DSC1: variants seen among roughly 807,000 people sequenced by gnomAD.
DSC1 encodes the protein desmocollin-1.
A neutral mutation model predicts 98.8 loss-of-function variants in DSC1; 79 were observed. The ratio of observed to expected loss-of-function variants is 0.80; its 90% CI spans 0.67 to 0.96. DSC1 has a LOEUF of 0.96. Among genes scored for constraint, DSC1 ranks in the 50% least tolerant of loss-of-function variants. The pLI, the probability that DSC1 is intolerant of heterozygous loss-of-function variation, is 0.00. For synonymous variants in DSC1, 405 were observed against 372.1 expected (o/e 1.09, Z -1.02); for missense variants, 1,115 against 1,075.9 (o/e 1.04, Z -0.51).
At chr18:31,137,026 C>T (rs1284406113) in intron 11 of DSC1, among the ~76,000 whole-genome samples, 2 of 152,132 alleles carry the variant, frequency 1.3e-5, no homozygotes, top group East Asian at 3.9e-4. Context: ...CTAGAAAGTA[C>T]ATCTTGGGTT....
In DSC1 at chr18:31,140,224, C is replaced by T. The variant is rs747353925; in HGVS notation, c.1338G>A (p.Ala446=). The change falls in exon 10 of 16, where the codon GCG becomes GCA. Residue 446 remains alanine (A), a synonymous_variant. Coordinates refer to ENST00000257198, the MANE Select transcript of DSC1 (RefSeq NM_024421.2). ...TGCACATTGTAGGAGTTTGTGAGCT[C>T]GCTGCTTTAGAGAATTGTGCCTCGT... ...VINEAQFSKA[A]SSQTPTMCTT... is the part of the protein sequence containing the mutation. The T allele has an allele frequency of 1.2e-5, 20 of 1,613,848 alleles. No homozygotes were observed. Among genetic ancestry groups the T allele is most frequent in the South Asian group, 7.7e-5 (7 of 91,072 alleles).
In DSC1 at chr18:31,148,723, G is replaced by A. The variant is rs1222353189; in HGVS notation, c.628-81C>T. 4.6e-6 allele frequency: 6 copies of A among 1,313,338 alleles called. No homozygotes were observed. The East Asian group carries it at 1.3e-4, about 29-fold the overall frequency. 81.4% of individuals were successfully genotyped at this position (1,313,338 alleles called of 1,614,324 possible). On this transcript the variant is annotated intron_variant, in intron 5 of 15. Transcript: ENST00000257198. ...AGTAAGCCTAGCAGTGGGGGAAAAT[G>A]TAACATTAAAAAAAAAAATCATTCC...
At chr18:31,154,580 C>A (rs562953602) in intron 5 of DSC1, among the ~76,000 whole-genome samples, 194 bp downstream of exon 5, 2 of 152,180 alleles carry the variant, frequency 1.3e-5, no homozygotes, top group South Asian at 2.1e-4. Context: ...TTACCTCCCC[C>A]GCCACTTCCC....
intron 2 of DSC1, among the ~76,000 whole-genome samples, chr18:31,159,049 T>TTTTTTTTTTTG (rs1989156448): frequency 1.2e-5 from 1 of 85,710 alleles, no homozygotes; most frequent in South Asian, 3.2e-4. Flanking sequence ...ACTATGTGGT[T>TTTTTTTTTTTG]TTTTTTTTTT....
chr18:31,157,448 A>C lies in DSC1; in HGVS notation c.274T>G (p.Phe92Val), dbSNP rs774601718. 7 of 1,614,142 alleles carry C rather than the reference A, an allele frequency of 4.3e-6. No homozygotes were observed. In the South Asian group the frequency reaches 7.7e-5, roughly 18 times the overall value. ...TGACCATCTGAAAGGAAAATGGAAA[A>C]ACTTTTCCTTTCAGAAGACAAAATG... Reference protein sequence around the residue: ...DLILSSERKSFSIFLSDGQRR... With the variant: ...DLILSSERKSVSIFLSDGQRR... Residue 92 changes from phenylalanine (F) to valine (V), a missense_variant, in exon 3 of 16, where the codon TTT becomes GTT. Coordinates refer to ENST00000257198, the MANE Select transcript of DSC1 (RefSeq NM_024421.2).
chr18:31,148,371 A>T (rs749857035), intron 6 of DSC1, 127 bp downstream of exon 6: 1 of 1,195,988 alleles, frequency 8.4e-7, no homozygotes, highest in Non-Finnish European at 1.1e-6. Context: ...TGGGAAAAAA[A>T]GTGTATGTAA....
intron 11 of DSC1, among the ~76,000 whole-genome samples, chr18:31,139,058 C>G (rs1409379514): frequency 1.3e-5 from 2 of 151,688 alleles, no homozygotes; most frequent in Non-Finnish European, 2.9e-5. Context: ...TATAAAAATA[C>G]ATATGATAGC....
intron 2 of DSC1, among the ~76,000 whole-genome samples, chr18:31,159,193 A>G (rs1213882947): frequency 8.9e-6 from 1 of 112,522 alleles, no homozygotes; most frequent in Non-Finnish European, 1.9e-5. Context: ...AGCTGGGACT[A>G]CAGGCGCCCG....
chr18:31,142,293 G>T, intron 8 of DSC1, 109 bp from the exon 9 acceptor site: 3 of 1,176,522 alleles, frequency 2.5e-6, no homozygotes, highest in South Asian at 1.5e-5. Flanking sequence ...GTGAAAAGCT[G>T]CCCTCACTAT....
At chr18:31,152,149 G>A (rs1254224037) in intron 5 of DSC1, among the ~76,000 whole-genome samples, 1 of 149,868 alleles carries the variant, frequency 6.7e-6, no homozygotes, top group Non-Finnish European at 1.5e-5. Context: ...GAGACAGAGT[G>A]ACACCCTATA....
At chr18:31,153,673 C>T (rs924910753) in intron 5 of DSC1, among the ~76,000 whole-genome samples, 81 of 152,048 alleles carry the variant, frequency 5.3e-4, no homozygotes, top group African/African-American at 1.7e-3. Context: ...ATTATAAGGT[C>T]TTTCCCTCTC....
chr18:31,155,189 C>T (rs1312790900), intron 4 of DSC1, among the ~76,000 whole-genome samples: 1 of 152,162 alleles, frequency 6.6e-6, no homozygotes, highest in African/African-American at 2.4e-5. Flanking sequence ...TAGAGTAATA[C>T]ACTTTTCAAG....
rs1988454144 is a variant in DSC1, at chr18:31,130,198, A to G, written c.*316T>C. 3.9e-6 allele frequency: 1 copy of G among 253,526 alleles called. No individual in the cohort carries two copies. The highest frequency in any genetic ancestry group is 7.5e-6 in the Non-Finnish European group (1 of 133,014). 15.7% of individuals were successfully genotyped at this position (253,526 alleles called of 1,614,324 possible). On this transcript the variant is annotated 3_prime_UTR_variant, in exon 16 of 16. Transcript: ENST00000257198. The stretch of plus-strand genomic sequence containing the variant: ...GCCTCTATAATACCCAGCTTTCCCA[A>G]ATGCTCTTCCACAGCACAAAAAGTA...
Position 31,141,999 on chromosome 18 carries a change from C to T in DSC1, c.1260G>A (p.Lys420=). ...NTNEGVLCVV[K]PLNYEVNRQV... ...TAGCCTGATTATTTTATTTGTTTAC[C>T]TTGACAACACACAGCACTCCTTCAT... The change falls in exon 9 of 16, where the codon AAG becomes AAA. Residue 420 remains lysine, a splice_region_variant and synonymous_variant. Transcript: ENST00000257198. 6.3e-7 allele frequency: 1 copy of T among 1,593,328 alleles called. No homozygotes were observed. The highest frequency in any genetic ancestry group is 8.5e-7 in the Non-Finnish European group (1 of 1,174,542).
At chr18:31,157,234 A>G (rs55663303) in intron 3 of DSC1, 137 bp downstream of exon 3, 22,221 of 904,702 alleles carry the variant, frequency 0.025, 377 homozygotes, top group Non-Finnish European at 0.031. Context: ...CTTTATTTAC[A>G]CTAATTGTAA....
At chr18:31,158,451 G>T (rs569615001) in intron 2 of DSC1, among the ~76,000 whole-genome samples, 2 of 152,246 alleles carry the variant, frequency 1.3e-5, no homozygotes, top group South Asian at 4.1e-4. Flanking sequence ...TGTCTTTAGA[G>T]TGTGGACTGT....
chr18:31,143,510 T>A, intron 8 of DSC1, 147 bp downstream of exon 8: 1 of 540,910 alleles, frequency 1.8e-6, no homozygotes, highest in Middle Eastern at 5.1e-4. Flanking sequence ...TGTACAGAAA[T>A]CATATTTTTC....
intron 15 of DSC1, 164 bp downstream of exon 15, chr18:31,131,430 C>A (rs879902874): frequency 2.0e-4 from 193 of 964,456 alleles, no homozygotes; most frequent in Non-Finnish European, 2.7e-4. Flanking sequence ...TTTCAAAGAT[C>A]ATTTTTATCT....
chr18:31,162,485 C>T, intron 1 of DSC1, 47 bp downstream of exon 1: 6 of 1,577,762 alleles, frequency 3.8e-6, no homozygotes, highest in Non-Finnish European at 5.2e-6. Context: ...AGAGAGGAAG[C>T]AGGTAGTAAC....
Sources: gnomAD v4.1 joint callset for allele counts (sites outside exome capture counted in the v4.1 genomes callset) on GRCh38, gnomAD v4.1.1 for gene constraint, MANE v1.5 for transcripts, NCBI Gene and HGNC (gene_info 2026-07-23, HGNC 2026-07-21) for gene names.